Variants in HS2ST1 observed in about 807,000 individuals in gnomAD.
HS2ST1 encodes the protein 2-O-sulfotransferase.
A neutral mutation model predicts 42.9 loss-of-function variants in HS2ST1; 18 were observed. The observed-to-expected ratio is 0.42, with a 90% CI of 0.29 to 0.62. The LOEUF (loss-of-function observed/expected upper bound fraction) is 0.62, where lower values mean the gene tolerates loss of function less well. HS2ST1 is among the 20% of genes least tolerant of loss of function. The probability of loss-of-function intolerance (pLI) is 0.21; values close to 1 mark genes in which losing one functional copy is unlikely to be tolerated. For missense variants in HS2ST1, 334 were observed against 433.8 expected (o/e 0.77, Z 2.04); for synonymous variants, 146 against 152.9 (o/e 0.95, Z 0.33).
chr1:86,918,436 G>GT (rs756370446), intron 1 of HS2ST1, among the ~76,000 whole-genome samples: 4 of 151,880 alleles, frequency 2.6e-5, no homozygotes, highest in Admixed American at 6.6e-5. Context: ...CATTATTCTA[G>GT]TAACGGACAT....
chr1:86,923,996 C>T (rs1660359149), intron 1 of HS2ST1, among the ~76,000 whole-genome samples: 1 of 152,190 alleles, frequency 6.6e-6, no homozygotes, highest in Non-Finnish European at 1.5e-5. Flanking sequence ...TCATCTGAGA[C>T]AAGGCAAGTC....
intron 1 of HS2ST1, chr1:87,045,813 T>C: frequency 1.3e-6 from 1 of 791,348 alleles, no homozygotes. Context: ...TGGGTCATCC[T>C]TATCCCATGT....
At chr1:86,982,167 G>A (rs1357297509) in intron 1 of HS2ST1, among the ~76,000 whole-genome samples, 2 of 152,184 alleles carry the variant, frequency 1.3e-5, no homozygotes, top group Non-Finnish European at 2.9e-5. Context: ...CTGGAATGCA[G>A]GGTGCTCTCC....
intron 1 of HS2ST1, among the ~76,000 whole-genome samples, chr1:87,049,588 T>C (rs1026623779): frequency 6.6e-6 from 1 of 152,128 alleles, no homozygotes; most frequent in African/African-American, 2.4e-5. Flanking sequence ...ATGTCTTTTC[T>C]GTTATTTTAA....
chr1:86,925,602 T>C (rs1660400533), intron 1 of HS2ST1, among the ~76,000 whole-genome samples: 1 of 152,172 alleles, frequency 6.6e-6, no homozygotes. Flanking sequence ...AACGCCTCTT[T>C]TTAAAACCAT....
intron 1 of HS2ST1, among the ~76,000 whole-genome samples, chr1:86,999,590 T>G (rs1649217113): frequency 1.3e-5 from 2 of 152,186 alleles, no homozygotes; most frequent in African/African-American, 2.4e-5. Flanking sequence ...TCTGTAGACT[T>G]TTAAAACCAA....
At chr1:86,986,039 C>CTTTTTTTTTTTTTTTTT (rs11377612) in intron 1 of HS2ST1, among the ~76,000 whole-genome samples, 1 of 133,836 alleles carries the variant, frequency 7.5e-6, no homozygotes, top group Non-Finnish European at 1.6e-5. Flanking sequence ...AGCTTGGCCT[C>CTTTTTTTTTTTTTTTTT]TTTTTTTTTT....
chr1:86,928,695 A>T (rs116393530), intron 1 of HS2ST1, among the ~76,000 whole-genome samples: 4 of 152,024 alleles, frequency 2.6e-5, no homozygotes, highest in Admixed American at 6.6e-5. Context: ...ATTTTTAAAA[A>T]TAAAATAGAA....
chr1:87,102,181 C>T (rs1652229698), intron 5 of HS2ST1, among the ~76,000 whole-genome samples: 1 of 152,142 alleles, frequency 6.6e-6, no homozygotes, highest in Admixed American at 6.5e-5. Flanking sequence ...GCCTCAGCCT[C>T]CTGAGTAGCT....
chr1:87,084,216 C>T lies in HS2ST1; in HGVS notation c.386C>T (p.Thr129Ile). Residue 129 changes from threonine to isoleucine, a missense_variant, in exon 3 of 7, where the codon ACT (threonine) becomes ATT (isoleucine). Physicochemically the swap from Thr to Ile is moderately conservative, Grantham distance 89. Coordinates refer to ENST00000370550, the MANE Select transcript of HS2ST1 (RefSeq NM_012262.4). The stretch of plus-strand genomic sequence containing the variant: ...TAGGTGCGCTTTGTAAAGAATATAA[C>T]TTCCTGGAAAGAGATGAAACCAGGA... ...QDQVRFVKNI[T>I]SWKEMKPGFY... 1 of 1,603,478 alleles carries T rather than the reference C, an allele frequency of 6.2e-7. No homozygotes were observed. The highest frequency in any genetic ancestry group is 8.5e-7 in the Non-Finnish European group (1 of 1,174,720).
chr1:87,080,241 C>CA, intron 2 of HS2ST1, among the ~76,000 whole-genome samples: 1 of 152,222 alleles, frequency 6.6e-6, no homozygotes, highest in Admixed American at 6.5e-5. Context: ...GACAAGGGAA[C>CA]AAACGTCAAG....
chr1:87,005,186 G>T (rs1273381014), intron 1 of HS2ST1, among the ~76,000 whole-genome samples: 2 of 152,152 alleles, frequency 1.3e-5, no homozygotes, highest in African/African-American at 4.8e-5. Context: ...TTATCATAGT[G>T]TGAATACCCT....
intron 1 of HS2ST1, among the ~76,000 whole-genome samples, chr1:87,038,091 A>G (rs926180138): frequency 2.0e-5 from 3 of 152,034 alleles, no homozygotes; most frequent in Non-Finnish European, 4.4e-5. Context: ...CTCTTACTTA[A>G]TATTATAGTT....
intron 1 of HS2ST1, among the ~76,000 whole-genome samples, chr1:86,997,718 G>A (rs751798550): frequency 2.6e-5 from 4 of 152,152 alleles, no homozygotes; most frequent in Non-Finnish European, 5.9e-5. Context: ...AACTCTATGT[G>A]CAGTGTCAGT....
chr1:86,917,276 T>G (rs1477086199), intron 1 of HS2ST1, among the ~76,000 whole-genome samples: 1 of 152,124 alleles, frequency 6.6e-6, no homozygotes, highest in Non-Finnish European at 1.5e-5. Flanking sequence ...CCCAGCACTT[T>G]GGGAGGCCGA....
chr1:86,935,990 A>C (rs1557485397), intron 1 of HS2ST1, among the ~76,000 whole-genome samples: 1 of 152,180 alleles, frequency 6.6e-6, no homozygotes, highest in Non-Finnish European at 1.5e-5. Flanking sequence ...TATTAATTAA[A>C]CTATAGACCT....
intron 1 of HS2ST1, chr1:86,993,099 C>A (rs1352218025): frequency 6.2e-7 from 1 of 1,600,438 alleles, no homozygotes; most frequent in South Asian, 1.1e-5. Flanking sequence ...TTATCAAATT[C>A]ATTCATCTCG....
chr1:86,981,198 C>T (rs1464660363), intron 1 of HS2ST1, among the ~76,000 whole-genome samples: 1 of 152,130 alleles, frequency 6.6e-6, no homozygotes, highest in Non-Finnish European at 1.5e-5. Flanking sequence ...CAATCACCTC[C>T]CTTGCTCCCT....
chr1:87,084,046 T>G (rs1651756806), intron 2 of HS2ST1, 148 bp from the exon 3 acceptor site: 1 of 492,746 alleles, frequency 2.0e-6, no homozygotes, highest in Admixed American at 4.0e-5. Context: ...AGTTACAGAT[T>G]ACAGTATACT....
Sources: allele counts gnomAD v4.1 joint callset (sites outside exome capture counted in the v4.1 genomes callset), GRCh38; gene constraint gnomAD v4.1.1; transcripts MANE v1.5; gene names NCBI Gene and HGNC (gene_info 2026-07-23, HGNC 2026-07-21).